Variants in MECOM observed in about 807,000 individuals in gnomAD.
MECOM encodes the protein MDS1 and EVI1 complex locus.
A neutral mutation model predicts 116.3 loss-of-function variants in MECOM; 13 were observed. That is an observed-to-expected ratio of 0.11 (90% confidence interval 0.07 to 0.18). The LOEUF (loss-of-function observed/expected upper bound fraction) is 0.18. MECOM is among the 10% of genes least tolerant of loss of function. The pLI, the probability that MECOM is intolerant of heterozygous loss-of-function variation, is 1.00. For missense variants in MECOM, 1,299 were observed against 1,509.0 expected (o/e 0.86, Z 2.31); for synonymous variants, 528 against 535.2 (o/e 0.99, Z 0.19).
chr3:169,518,150 T>C (rs1429925268), intron 1 of MECOM, among the ~76,000 whole-genome samples: 6 of 151,908 alleles, frequency 3.9e-5, no homozygotes, highest in Non-Finnish European at 1.5e-5. Context: ...TTCCAGCTAC[T>C]TGGGAGGCTG....
At chr3:169,498,636 C>T (rs1303548497) in intron 1 of MECOM, among the ~76,000 whole-genome samples, 8 of 152,156 alleles carry the variant, frequency 5.3e-5, no homozygotes, top group Non-Finnish European at 1.2e-4. Context: ...GGAGTTGAGG[C>T]AACTGCTGAA....
intron 14 of MECOM, among the ~76,000 whole-genome samples, chr3:169,092,338 T>C (rs1274536212): frequency 6.6e-6 from 1 of 151,950 alleles, no homozygotes; most frequent in Non-Finnish European, 1.5e-5. Context: ...CTATAAAAGC[T>C]TCTATGTAAA....
intron 1 of MECOM, among the ~76,000 whole-genome samples, chr3:169,420,811 G>A (rs1739594887): frequency 6.6e-6 from 1 of 152,136 alleles, no homozygotes; most frequent in Non-Finnish European, 1.5e-5. Flanking sequence ...AAGTGTTATT[G>A]AAGATGCTTT....
At chr3:169,229,612 T>A (rs1412414061) in intron 2 of MECOM, among the ~76,000 whole-genome samples, 4 of 152,082 alleles carry the variant, frequency 2.6e-5, no homozygotes, top group Non-Finnish European at 4.4e-5. Context: ...TTCTACTACT[T>A]TCAATGGCCC....
chr3:169,607,403 A>C (rs967948349), intron 1 of MECOM, among the ~76,000 whole-genome samples: 3 of 152,242 alleles, frequency 2.0e-5, no homozygotes, highest in Non-Finnish European at 4.4e-5. Context: ...TAAGAAAAAA[A>C]GTCAGAAACT....
chr3:169,489,085 T>TAG (rs1336917329), intron 1 of MECOM, among the ~76,000 whole-genome samples: 1 of 152,142 alleles, frequency 6.6e-6, no homozygotes, highest in Non-Finnish European at 1.5e-5. Context: ...AAATGCTAGA[T>TAG]AGACTACTAT....
rs770881104 is a variant in MECOM at position 169,381,404 on chromosome 3, C to G, written c.158G>C (p.Ser53Thr). The change falls in exon 2 of 17, where the codon AGT becomes ACT. Residue 53 changes from serine (S) to threonine (T), a missense_variant. By Grantham distance (58) the Ser-to-Thr change is moderately conservative. Transcript: ENST00000651503. ...ACCCTCCTTTGGAGTGAATGCTTCA[C>G]TGGATGTGGCAGGAGAGCATGGCTC... ...IQEPCSPATS[S>T]EAFTPKEGSP... The G allele has an allele frequency of 6.2e-7, 1 of 1,613,776 alleles. No individual in the cohort carries two copies. Among genetic ancestry groups the G allele is most frequent in the Admixed American group, 1.7e-5 (1 of 59,980 alleles).
At chr3:169,645,936 G>A (rs1258840693) in intron 1 of MECOM, among the ~76,000 whole-genome samples, 1 of 152,090 alleles carries the variant, frequency 6.6e-6, no homozygotes, top group East Asian at 1.9e-4. Flanking sequence ...GTATTTTTAA[G>A]CATTCCAAGT....
chr3:169,477,534 A>C (rs565231838), intron 1 of MECOM, among the ~76,000 whole-genome samples: 1 of 152,154 alleles, frequency 6.6e-6, no homozygotes, highest in Admixed American at 6.5e-5. Flanking sequence ...GGCCAAGAGC[A>C]CTTCTCTGTT....
intron 1 of MECOM, among the ~76,000 whole-genome samples, chr3:169,453,911 A>G (rs4955660): frequency 0.058 from 8,773 of 151,658 alleles, 676 homozygotes; most frequent in East Asian, 0.28. Context: ...GGCTAAAAGC[A>G]ATGGATAATA....
intron 1 of MECOM, among the ~76,000 whole-genome samples, chr3:169,534,717 C>T (rs965242233): frequency 3.3e-5 from 5 of 152,224 alleles, no homozygotes; most frequent in African/African-American, 1.2e-4. Flanking sequence ...CCAACTAACA[C>T]ATGCAATCCT....
At chr3:169,362,396 G>T (rs1305059370) in intron 2 of MECOM, among the ~76,000 whole-genome samples, 1 of 151,860 alleles carries the variant, frequency 6.6e-6, no homozygotes, top group Non-Finnish European at 1.5e-5. Flanking sequence ...ACTTTTCCAA[G>T]TTCCCAAGTC....
intron 2 of MECOM, among the ~76,000 whole-genome samples, chr3:169,356,870 T>C (rs1327505903): frequency 6.6e-6 from 1 of 151,886 alleles, no homozygotes; most frequent in Non-Finnish European, 1.5e-5. Flanking sequence ...AAGCTATTCT[T>C]TTCATTATGA....
chr3:169,238,110 G>A (rs544413044), intron 2 of MECOM, among the ~76,000 whole-genome samples: 1 of 150,818 alleles, frequency 6.6e-6, no homozygotes, highest in Non-Finnish European at 1.5e-5. Context: ...AGGGGGCAAA[G>A]GTTGGAGTGA....
chr3:169,450,226 CTAT>C lies in MECOM; in HGVS notation c.38-68705_38-68703del, dbSNP rs1251762167. On this transcript the variant is annotated intron_variant, in intron 1 of 16. Transcript: ENST00000651503. ...TCATGCTCAAGACACTAACGTAAAC[CTAT>C]TTGGCCACTTGAGTGAAAAGCTTTG... Among the ~76,000 whole-genome samples the C allele has an allele frequency of 2.6e-5, 4 of 152,246 alleles. No individual in the cohort carries two copies. In the East Asian group the frequency reaches 5.8e-4, roughly 22 times the overall value.
intron 1 of MECOM, among the ~76,000 whole-genome samples, chr3:169,562,553 T>C (rs1423131790): frequency 6.6e-6 from 1 of 152,166 alleles, no homozygotes; most frequent in Non-Finnish European, 1.5e-5. Flanking sequence ...GCTACGTGTA[T>C]TGATGTTTAA....
Position 169,169,836 on chromosome 3 carries a change from CT to C in MECOM, c.376-26005del, listed in dbSNP as rs77967621. Among the ~76,000 whole-genome samples, 427 of 144,666 alleles carry C rather than the reference CT, an allele frequency of 3.0e-3. 1 individual carries two copies. Among genetic ancestry groups the C allele is most frequent in the Middle Eastern group, 7.4e-3 (2 of 270 alleles). 94.9% of individuals were successfully genotyped at this position (144,666 alleles called of 152,430 possible). A position where few individuals can be genotyped will look rare whatever the true frequency, so the allele number is the denominator to read the frequency against. On this transcript the variant is annotated intron_variant, in intron 2 of 16. Coordinates refer to ENST00000651503, the MANE Select transcript of MECOM (RefSeq NM_004991.4). ...ATATGAGAGCAGTTCTACAGTTCTA[CT>C]TTTTTTTTTTTTTCCCATGGGAAAG...
chr3:169,609,114 A>C (rs189814471), intron 1 of MECOM, among the ~76,000 whole-genome samples: 1 of 152,280 alleles, frequency 6.6e-6, no homozygotes, highest in Admixed American at 6.5e-5. Flanking sequence ...ATCTCTTCTG[A>C]CTTTTACATC....
At chr3:169,617,968 C>A (rs2109869535) in intron 1 of MECOM, among the ~76,000 whole-genome samples, 1 of 152,258 alleles carries the variant, frequency 6.6e-6, no homozygotes, top group South Asian at 2.1e-4. Context: ...GCTCCTCAAC[C>A]CTCAGCTCCT....
Sources: gnomAD v4.1 joint callset for allele counts (sites outside exome capture counted in the v4.1 genomes callset) on GRCh38, gnomAD v4.1.1 for gene constraint, MANE v1.5 for transcripts, NCBI Gene and HGNC (gene_info 2026-07-23, HGNC 2026-07-21) for gene names.